The following OPRK1 variants were observed in gnomAD, a reference collection of about 807,000 sequenced individuals.
The protein encoded by OPRK1 is kappa-type opioid receptor.
A neutral mutation model predicts 24.5 loss-of-function variants in OPRK1; 15 were observed. The ratio of observed to expected loss-of-function variants is 0.61; its 90% CI spans 0.41 to 0.94. The LOEUF (loss-of-function observed/expected upper bound fraction) is 0.94. Among genes scored for constraint, OPRK1 ranks in the 40% least tolerant of loss-of-function variants. The pLI, the probability that OPRK1 is intolerant of heterozygous loss-of-function variation, is 0.00. For synonymous variants in OPRK1, 205 were observed against 198.0 expected, an observed-to-expected ratio of 1.04 and a Z score of -0.30; for missense variants, 479 against 507.3, an observed-to-expected ratio of 0.94 and a Z score of 0.54.
At chr8:53,229,886 C>T in intron 3 of OPRK1, 57 bp from the exon 4 acceptor site, 1 of 1,464,694 alleles carries the variant, frequency 6.8e-7, no homozygotes, top group East Asian at 2.3e-5. Flanking sequence ...ATTACCGTGG[C>T]TGCAAAGTGT....
chr8:53,250,516 G>T (rs1335466689), intron 2 of OPRK1, among the ~76,000 whole-genome samples: 1 of 152,156 alleles, frequency 6.6e-6, no homozygotes, highest in Non-Finnish European at 1.5e-5. Context: ...TGGGCCCTAG[G>T]GTGGGGTCGG....
At chr8:53,240,821 G>A (rs1027235189) in intron 2 of OPRK1, among the ~76,000 whole-genome samples, 3 of 152,102 alleles carry the variant, frequency 2.0e-5, no homozygotes, top group African/African-American at 7.2e-5. Flanking sequence ...TGATTGAGTA[G>A]ATCTTAACTG....
rs1352022156 is a variant in OPRK1, at chr8:53,228,784, A to G, written c.*513T>C. 6.5e-6 allele frequency: 1 copy of G among 153,248 alleles called. No homozygotes were observed. The highest frequency in any genetic ancestry group is 2.4e-5 in the African/African-American group (1 of 41,474). 9.5% of individuals were successfully genotyped at this position (153,248 alleles called of 1,614,324 possible). ...ATGTAAGCTGTAATTCTTACCACACAGCCACATGAAATGCATGTCCACACA... is the reference window on the plus strand; with the variant it reads ...ATGTAAGCTGTAATTCTTACCACACGGCCACATGAAATGCATGTCCACACA... On this transcript the variant is annotated 3_prime_UTR_variant, in exon 4 of 4. Coordinates refer to ENST00000265572, the MANE Select transcript of OPRK1 (RefSeq NM_000912.5).
rs926208634 is a variant in OPRK1, at chr8:53,226,034, C to T, written c.*3263G>A. On this transcript the variant is annotated 3_prime_UTR_variant, in exon 4 of 4. Coordinates refer to ENST00000265572, the MANE Select transcript of OPRK1 (RefSeq NM_000912.5). ...TTCCAATTTAAAGTCAGCCAGTGTG[C>T]TCCCTGAATTTGCATGAGTCATCGT... The T allele has an allele frequency of 2.0e-5, 3 of 152,112 alleles. No individual in the cohort carries two copies. The highest frequency in any genetic ancestry group is 7.2e-5 in the African/African-American group (3 of 41,410). The allele number at this position is 152,112 out of a possible 1,614,324, so 9.4% of individuals were successfully genotyped here.
At chr8:53,246,089 A>T (rs1012253723) in intron 2 of OPRK1, among the ~76,000 whole-genome samples, 3 of 152,160 alleles carry the variant, frequency 2.0e-5, no homozygotes, top group East Asian at 3.9e-4. Context: ...GACAGAAGAG[A>T]GCTGAGAAGG....
At position 53,234,846 on chromosome 8, in the gene OPRK1, C is replaced by A. The variant is rs772619153; in HGVS notation, c.523G>T (p.Ala175Ser). 5 of 1,614,064 alleles carry A rather than the reference C, an allele frequency of 3.1e-6. No individual in the cohort carries two copies. The African/African-American group carries it at 6.7e-5, about 22-fold the overall frequency. Residue 175 changes from alanine (A) to serine (S), a missense_variant, in exon 3 of 4, where the codon GCA becomes TCA. Ala to Ser is a moderately conservative substitution (Grantham distance 99). Transcript: ENST00000265572. ...CAGATGCAGATATTGATGATCTTTG[C>A]CTTCAAGGGTGTGCGGAAGTCCAAA... ...KALDFRTPLK[A>S]KIINICIWLL...
At position 53,229,225 on chromosome 8, in the gene OPRK1, G is replaced by A. The variant is rs1806789587; in HGVS notation, c.*72C>T. On this transcript the variant is annotated 3_prime_UTR_variant, in exon 4 of 4. Coordinates refer to ENST00000265572, the MANE Select transcript of OPRK1 (RefSeq NM_000912.5). ...TCTTTTCATGTCAGACTGCAGTAGT[G>A]ATCTGAGTTAAACCTAGATCATTGA... The A allele has an allele frequency of 6.7e-7, 1 of 1,493,050 alleles. No individual in the cohort carries two copies. The highest frequency in any genetic ancestry group is 9.1e-7 in the Non-Finnish European group (1 of 1,102,918). 92.5% of individuals were successfully genotyped at this position (1,493,050 alleles called of 1,614,324 possible).
At chr8:53,233,440 C>G (rs903249614) in intron 3 of OPRK1, among the ~76,000 whole-genome samples, 1 of 152,088 alleles carries the variant, frequency 6.6e-6, no homozygotes, top group African/African-American at 2.4e-5. Context: ...ACAAACAAAC[C>G]ATGTATCATG....
In OPRK1 at chr8:53,228,098, A is replaced by G. The variant is rs1806752469; in HGVS notation, c.*1199T>C. 6.6e-6 allele frequency: 1 copy of G among 152,198 alleles called. No individual in the cohort carries two copies. Among genetic ancestry groups the G allele is most frequent in the Non-Finnish European group, 1.5e-5 (1 of 68,032 alleles). 9.4% of individuals were successfully genotyped at this position (152,198 alleles called of 1,614,324 possible). A position where few individuals can be genotyped will look rare whatever the true frequency, so the allele number is the denominator to read the frequency against. The stretch of plus-strand genomic sequence containing the variant: ...AATGCCATGCAGGATGTGTCCTGGC[A>G]CCAGGAGGGACATCATGTCCTCATT... On this transcript the variant is annotated 3_prime_UTR_variant, in exon 4 of 4. Coordinates refer to ENST00000265572, the MANE Select transcript of OPRK1 (RefSeq NM_000912.5).
At position 53,229,832 on chromosome 8, in the gene OPRK1, G is replaced by A; in HGVS notation, c.611-3C>T. ...GGAGCACTCAATGACATCGACGTCT[G>A]GAGGAGGGCAATAAAAACCACAACA... is the stretch of plus-strand genomic sequence containing the variant. On this transcript the variant is annotated splice_region_variant and splice_polypyrimidine_tract_variant and intron_variant, in intron 3 of 3. Transcript: ENST00000265572. 6.5e-7 allele frequency: 1 copy of A among 1,537,976 alleles called. No homozygotes were observed. The highest frequency in any genetic ancestry group is 1.3e-5 in the South Asian group (1 of 78,320).
intron 2 of OPRK1, among the ~76,000 whole-genome samples, chr8:53,236,464 T>A (rs1807000441): frequency 6.6e-6 from 1 of 152,228 alleles, no homozygotes; most frequent in Admixed American, 6.5e-5. Flanking sequence ...AGAGTTGGTA[T>A]CTGTTAGTTT....
chr8:53,240,335 T>C (rs1313880622), intron 2 of OPRK1, among the ~76,000 whole-genome samples: 2 of 152,114 alleles, frequency 1.3e-5, no homozygotes, highest in African/African-American at 4.8e-5. Context: ...CTAAATAGAT[T>C]CCTTTAATAC....
At chr8:53,240,541 C>T (rs976192381) in intron 2 of OPRK1, among the ~76,000 whole-genome samples, 2 of 152,052 alleles carry the variant, frequency 1.3e-5, no homozygotes, top group African/African-American at 4.8e-5. Context: ...AAAATGCAGT[C>T]CTTCTTCACA....
chr8:53,234,605 T>C (rs755352603), intron 3 of OPRK1, among the ~76,000 whole-genome samples, 154 bp downstream of exon 3: 4 of 152,214 alleles, frequency 2.6e-5, no homozygotes, highest in African/African-American at 4.8e-5. Flanking sequence ...CACAAAATTG[T>C]TCTACTTCTC....
chr8:53,239,326 A>G (rs1807063821), intron 2 of OPRK1, among the ~76,000 whole-genome samples: 1 of 152,272 alleles, frequency 6.6e-6, no homozygotes, highest in South Asian at 2.1e-4. Flanking sequence ...ATAGGAATAC[A>G]TGGAAGAGAA....
rs745533525 is a variant in OPRK1 at position 53,229,359 on chromosome 8, G to A, written c.1081C>T (p.Arg361Ter). Residue 361 changes from arginine to a stop codon, truncating the protein, a stop_gained, in exon 4 of 4, where the codon CGA (arginine) becomes TGA (stop). Coordinates refer to ENST00000265572, the MANE Select transcript of OPRK1 (RefSeq NM_000912.5). LOFTEE classifies it high-confidence loss of function. ...RMERQSTSRV[R>*]NTVQDPAYLR... ...TAAGCAGGATCCTGAACTGTATTTC[G>A]GACTCTGCTAGTGCTCTGCCGCTCC... 8.1e-6 allele frequency: 13 copies of A among 1,613,980 alleles called. No individual in the cohort carries two copies. The highest frequency in any genetic ancestry group is 2.7e-5 in the African/African-American group (2 of 74,892).
At position 53,241,695 on chromosome 8, in the gene OPRK1, G is replaced by A. The variant is rs767216392; in HGVS notation, c.258-6584C>T. Among the ~76,000 whole-genome samples, 24 of 152,224 alleles carry A rather than the reference G, an allele frequency of 1.6e-4. No individual in the cohort carries two copies. The South Asian group carries it at 2.9e-3, about 18-fold the overall frequency. ...ATTCTGAAGGAGTCATACTCACATAGGAGCCAGGCCCTTGCAGCTCTCCAG... is the reference window on the plus strand; with the variant it reads ...ATTCTGAAGGAGTCATACTCACATAAGAGCCAGGCCCTTGCAGCTCTCCAG... On this transcript the variant is annotated intron_variant, in intron 2 of 3. Coordinates refer to ENST00000265572, the MANE Select transcript of OPRK1 (RefSeq NM_000912.5).
chr8:53,229,365 T>C lies in OPRK1; in HGVS notation c.1075A>G (p.Arg359Gly). ...GGATCCTGAACTGTATTTCGGACTC[T>C]GCTAGTGCTCTGCCGCTCCATCCTC... ...KMRMERQSTS[R>G]VRNTVQDPAY... The change falls in exon 4 of 4, where the codon AGA becomes GGA. Residue 359 changes from arginine (R) to glycine (G), a missense_variant. Coordinates refer to ENST00000265572, the MANE Select transcript of OPRK1 (RefSeq NM_000912.5). 6.2e-7 allele frequency: 1 copy of C among 1,614,226 alleles called. No homozygotes were observed. Among genetic ancestry groups the C allele is most frequent in the Non-Finnish European group, 8.5e-7 (1 of 1,180,032 alleles).
chr8:53,248,268 G>C (rs1350028556), intron 2 of OPRK1, among the ~76,000 whole-genome samples: 2 of 151,288 alleles, frequency 1.3e-5, no homozygotes. Context: ...AGGCCTAAAA[G>C]TAGGCATATC....
Sources: allele counts gnomAD v4.1 joint callset (sites outside exome capture counted in the v4.1 genomes callset), GRCh38; gene constraint gnomAD v4.1.1; transcripts MANE v1.5; gene names NCBI Gene and HGNC (gene_info 2026-07-23, HGNC 2026-07-21).